Variants in CACNA2D3 observed in about 807,000 individuals in gnomAD.
CACNA2D3 encodes the protein voltage-dependent calcium channel subunit alpha-2/delta-3.
In CACNA2D3, 60 loss-of-function variants were observed where a neutral mutation model predicts 160.6. The ratio of observed to expected loss-of-function variants is 0.37; its 90% CI spans 0.30 to 0.46. The LOEUF (loss-of-function observed/expected upper bound fraction) is 0.46, where lower values mean the gene tolerates loss of function less well. Among genes scored for constraint, CACNA2D3 ranks in the 20% least tolerant of loss-of-function variants. The probability of loss-of-function intolerance (pLI) is 1.00; values close to 1 mark genes in which losing one functional copy is unlikely to be tolerated. For synonymous variants in CACNA2D3, 558 were observed against 492.9 expected, an observed-to-expected ratio of 1.13 and a Z score of -1.75; for missense variants, 1,205 against 1,365.0, an observed-to-expected ratio of 0.88 and a Z score of 1.85.
At chr3:54,800,844 G>C (rs146075645) in intron 13 of CACNA2D3, among the ~76,000 whole-genome samples, 421 of 152,222 alleles carry the variant, frequency 2.8e-3, no homozygotes, top group Non-Finnish European at 5.3e-3. Flanking sequence ...TGGACGGTGT[G>C]GTGCTCTTTG....
chr3:54,770,460 A>G (rs1245095124), intron 13 of CACNA2D3, among the ~76,000 whole-genome samples: 1 of 152,216 alleles, frequency 6.6e-6, no homozygotes, highest in Non-Finnish European at 1.5e-5. Context: ...TTATTTTCAC[A>G]TTGAAAATCA....
intron 11 of CACNA2D3, among the ~76,000 whole-genome samples, chr3:54,736,100 CATATATATGTAT>C (rs1254075334): frequency 2.1e-5 from 1 of 47,906 alleles, no homozygotes; most frequent in Non-Finnish European, 3.9e-5. Context: ...TATATATATA[CATATATATGTAT>C]ATATATACAT....
intron 35 of CACNA2D3, among the ~76,000 whole-genome samples, chr3:55,050,664 G>A (rs1025317799): frequency 3.0e-5 from 4 of 132,104 alleles, no homozygotes; most frequent in African/African-American, 9.4e-5. Flanking sequence ...TTGCTAGATT[G>A]GGGAAGTTCT....
intron 14 of CACNA2D3, among the ~76,000 whole-genome samples, chr3:54,820,989 C>T (rs1703578900): frequency 6.6e-6 from 1 of 152,020 alleles, no homozygotes; most frequent in Non-Finnish European, 1.5e-5. Context: ...GTAGAGTGGG[C>T]CCGAATGTTT....
chr3:54,332,556 A>T (rs1196202139), intron 3 of CACNA2D3, among the ~76,000 whole-genome samples: 1 of 152,258 alleles, frequency 6.6e-6, no homozygotes, highest in African/African-American at 2.4e-5. Flanking sequence ...TCTCTGATTT[A>T]TCTGGTAACC....
chr3:54,244,665 A>G (rs1230254243), intron 2 of CACNA2D3, among the ~76,000 whole-genome samples: 1 of 152,226 alleles, frequency 6.6e-6, no homozygotes. Flanking sequence ...TCCACATCCA[A>G]TATCCAGTCT....
intron 13 of CACNA2D3, among the ~76,000 whole-genome samples, chr3:54,813,887 C>T (rs374123830): frequency 1.6e-5 from 2 of 123,536 alleles, no homozygotes; most frequent in African/African-American, 3.3e-5. Context: ...TTTTTTGAGA[C>T]AGGATCTCAC....
intron 13 of CACNA2D3, among the ~76,000 whole-genome samples, chr3:54,767,753 A>G (rs1702250131): frequency 6.6e-6 from 1 of 152,204 alleles, no homozygotes; most frequent in Non-Finnish European, 1.5e-5. Flanking sequence ...GCTCAAAACA[A>G]TAATGTGGTC....
chr3:54,312,042 C>G (rs960057700), intron 2 of CACNA2D3, among the ~76,000 whole-genome samples: 1 of 152,170 alleles, frequency 6.6e-6, no homozygotes. Flanking sequence ...CTTGGACTAT[C>G]TCTGGGTTAC....
chr3:54,687,135 G>C (rs838034), intron 11 of CACNA2D3, among the ~76,000 whole-genome samples: 20 of 88,890 alleles, frequency 2.2e-4, no homozygotes, highest in African/African-American at 6.1e-4. Context: ...TTTTTTTTTT[G>C]TTTTTTTTTT....
chr3:54,262,449 C>T (rs1559900327), intron 2 of CACNA2D3, among the ~76,000 whole-genome samples: 1 of 152,178 alleles, frequency 6.6e-6, no homozygotes, highest in Non-Finnish European at 1.5e-5. Flanking sequence ...TATTCCTCTG[C>T]ATCACAAATA....
intron 30 of CACNA2D3, 58 bp downstream of exon 30, chr3:54,984,728 G>C: frequency 9.5e-7 from 1 of 1,054,300 alleles, no homozygotes; most frequent in Non-Finnish European, 1.4e-6. Context: ...CTTGGGTCAG[G>C]GGGAACAAAT....
intron 2 of CACNA2D3, among the ~76,000 whole-genome samples, chr3:54,233,095 G>A (rs1045105230): frequency 3.3e-5 from 5 of 152,158 alleles, no homozygotes; most frequent in Non-Finnish European, 7.4e-5. Flanking sequence ...AGGCCCCTCT[G>A]AGAGGGAGGC....
intron 16 of CACNA2D3, among the ~76,000 whole-genome samples, chr3:54,846,108 G>T (rs1310263280): frequency 6.6e-6 from 1 of 152,078 alleles, no homozygotes. Context: ...AAAAAAAAAG[G>T]TAATTGTTTT....
intron 11 of CACNA2D3, among the ~76,000 whole-genome samples, chr3:54,687,946 TTTTTG>T (rs1270159775): frequency 2.0e-5 from 3 of 152,218 alleles, no homozygotes; most frequent in Non-Finnish European, 1.5e-5. Context: ...CAACAGGTTT[TTTTTG>T]TTTTGTTTTG....
chr3:54,731,162 A>G (rs182435032), intron 11 of CACNA2D3, among the ~76,000 whole-genome samples: 1 of 152,344 alleles, frequency 6.6e-6, no homozygotes, highest in Admixed American at 6.5e-5. Context: ...AAATGATTGT[A>G]TATATAGGCA....
intron 2 of CACNA2D3, among the ~76,000 whole-genome samples, chr3:54,230,170 T>C (rs9830760): frequency 0.22 from 33,412 of 151,294 alleles, 4,842 homozygotes; most frequent in East Asian, 0.63. Context: ...TATTTTAAAG[T>C]CATTAGTGTT....
At chr3:54,521,416 AG>A (rs1389395060) in intron 5 of CACNA2D3, among the ~76,000 whole-genome samples, 1 of 147,684 alleles carries the variant, frequency 6.8e-6, no homozygotes, top group Non-Finnish European at 1.5e-5. Flanking sequence ...TGGTGTTGTA[AG>A]AATTTTTTAT....
intron 4 of CACNA2D3, among the ~76,000 whole-genome samples, 172 bp from the exon 5 acceptor site, chr3:54,503,320 T>C (rs1701321885): frequency 6.6e-6 from 1 of 152,224 alleles, no homozygotes; most frequent in Non-Finnish European, 1.5e-5. Context: ...TATATAATGC[T>C]ATCTCACCCA....
Sources: gnomAD v4.1 joint callset for allele counts (sites outside exome capture counted in the v4.1 genomes callset) on GRCh38, gnomAD v4.1.1 for gene constraint, MANE v1.5 for transcripts, NCBI Gene and HGNC (gene_info 2026-07-23, HGNC 2026-07-21) for gene names.